Variants in ZNF385C observed in about 807,000 individuals in gnomAD.
The protein encoded by ZNF385C is CTD-2132N18.2.
A neutral mutation model predicts 35.4 loss-of-function variants in ZNF385C; 28 were observed. That is an observed-to-expected ratio of 0.79 (90% CI 0.59 to 1.08). ZNF385C has a LOEUF of 1.08. Among genes scored for constraint, ZNF385C ranks in the 50% least tolerant of loss-of-function variants. The pLI, the probability that ZNF385C is intolerant of heterozygous loss-of-function variation, is 0.00. For missense variants in ZNF385C, 605 were observed against 595.6 expected, an observed-to-expected ratio of 1.02 and a Z score of -0.16; for synonymous variants, 248 against 248.2, an observed-to-expected ratio of 1.00 and a Z score of 0.01.
At chr17:42,080,053 G>T (rs2053732125) in intron 1 of ZNF385C, among the ~76,000 whole-genome samples, 2 of 152,174 alleles carry the variant, frequency 1.3e-5, no homozygotes, top group Non-Finnish European at 2.9e-5. Context: ...ATCCAGCTTG[G>T]CAGAGCTACC....
chr17:42,094,321 A>C (rs1173589777), intron 1 of ZNF385C, among the ~76,000 whole-genome samples: 1 of 152,180 alleles, frequency 6.6e-6, no homozygotes, highest in Non-Finnish European at 1.5e-5. Flanking sequence ...CCTTTTGCCG[A>C]GACTCCTCAA....
At chr17:42,037,270 C>T (rs2052876894) in intron 3 of ZNF385C, among the ~76,000 whole-genome samples, 1 of 152,078 alleles carries the variant, frequency 6.6e-6, no homozygotes, top group Non-Finnish European at 1.5e-5. Context: ...CATAAAATTA[C>T]CCATGCACAA....
In ZNF385C at chr17:42,027,679, T is replaced by C. The variant is rs1555654411; in HGVS notation, c.1214A>G (p.Lys405Arg). 3.7e-6 allele frequency: 6 copies of C among 1,611,870 alleles called. No homozygotes were observed. Among genetic ancestry groups the C allele is most frequent in the African/African-American group, 1.3e-5 (1 of 74,718 alleles). Residue 405 changes from lysine to arginine, a missense_variant, in exon 8 of 9, where the codon AAG (lysine) becomes AGG (arginine). Coordinates refer to ENST00000692273, the MANE Select transcript of ZNF385C (RefSeq NM_001392013.1). ...HKDRLAGKTP[K>R]PSSQHSKLQK... ...CAGCTTGCTGTGCTGGCTGGAGGGC[T>C]TGGGGGTCTTCCCGGCCAGGCGGTC...
intron 5 of ZNF385C, 139 bp downstream of exon 5, chr17:42,031,480 G>C: frequency 9.1e-7 from 1 of 1,098,990 alleles, no homozygotes; most frequent in Non-Finnish European, 1.3e-6. Context: ...AATTCATGGC[G>C]TGGTACACTT....
chr17:42,043,368 G>T, intron 2 of ZNF385C: 1 of 1,232,214 alleles, frequency 8.1e-7, no homozygotes, highest in East Asian at 3.2e-5. Context: ...TCTTCCCTGG[G>T]GGCACCATTC....
intron 4 of ZNF385C, among the ~76,000 whole-genome samples, chr17:42,032,469 A>G (rs1182099061): frequency 1.3e-5 from 2 of 152,246 alleles, no homozygotes; most frequent in Non-Finnish European, 2.9e-5. Flanking sequence ...ACATGGGAAC[A>G]TGAATTACAA....
chr17:42,051,232 G>C (rs1314064528), intron 2 of ZNF385C, among the ~76,000 whole-genome samples: 4 of 151,990 alleles, frequency 2.6e-5, no homozygotes, highest in Non-Finnish European at 4.4e-5. Flanking sequence ...CTCCTCCGGA[G>C]GAGTTGGAAC....
chr17:42,067,228 GCCCA>G (rs1555658504), intron 1 of ZNF385C, among the ~76,000 whole-genome samples: 1 of 152,142 alleles, frequency 6.6e-6, no homozygotes, highest in African/African-American at 2.4e-5. Context: ...GAGCCACTGC[GCCCA>G]GCCTTGCTGA....
intron 1 of ZNF385C, among the ~76,000 whole-genome samples, chr17:42,069,746 T>C (rs2053597499): frequency 6.6e-6 from 1 of 152,230 alleles, no homozygotes; most frequent in Admixed American, 6.5e-5. Flanking sequence ...TGGTTTCCTG[T>C]CTTTAAAGAG....
intron 1 of ZNF385C, among the ~76,000 whole-genome samples, chr17:42,064,752 A>G (rs1277967839): frequency 6.6e-6 from 1 of 152,004 alleles, no homozygotes; most frequent in Non-Finnish European, 1.5e-5. Flanking sequence ...TTTAGTAGAG[A>G]CAGTGTTTTG....
At chr17:42,086,500 G>A (rs985524346) in intron 1 of ZNF385C, among the ~76,000 whole-genome samples, 2 of 152,126 alleles carry the variant, frequency 1.3e-5, no homozygotes, top group African/African-American at 2.4e-5. Context: ...TCAGGAGTTC[G>A]AGACCAGCCT....
At chr17:42,034,876 C>T (rs1240554399) in intron 3 of ZNF385C, among the ~76,000 whole-genome samples, 7 of 151,330 alleles carry the variant, frequency 4.6e-5, no homozygotes, top group Non-Finnish European at 2.9e-5. Context: ...CCTGTAATCC[C>T]ATCACTTTGG....
intron 2 of ZNF385C, 69 bp downstream of exon 2, chr17:42,062,738 C>A: frequency 2.1e-6 from 1 of 480,054 alleles, no homozygotes; most frequent in South Asian, 3.6e-5. Context: ...CCCAGAGCCC[C>A]TCAGAGGGGC....
rs372140859 is a variant in ZNF385C at position 42,030,111 on chromosome 17, A to G, written c.677-1038T>C. On this transcript the variant is annotated intron_variant, in intron 5 of 8. Transcript: ENST00000692273. ...GTGGAGTACTACACAGCAATGAAAG[A>G]GAACAAACTACAGCTACACGCAAAA... Among the ~76,000 whole-genome samples, 126 of 152,334 alleles carry G rather than the reference A, an allele frequency of 8.3e-4. 1 individual carries two copies. Among genetic ancestry groups the G allele is most frequent in the African/African-American group, 2.9e-3 (120 of 41,562 alleles).
intron 8 of ZNF385C, among the ~76,000 whole-genome samples, 174 bp from the exon 9 acceptor site, chr17:42,027,307 ACCTGTCTT>A (rs1230362311): frequency 6.7e-6 from 1 of 150,132 alleles, no homozygotes; most frequent in East Asian, 2.0e-4. Flanking sequence ...TTTCTCCACC[ACCTGTCTT>A]CCTGTCCAGA....
chr17:42,086,701 C>CAAAAAA (rs1184011274), intron 1 of ZNF385C, among the ~76,000 whole-genome samples: 1 of 66,844 alleles, frequency 1.5e-5, no homozygotes, highest in African/African-American at 5.1e-5. Flanking sequence ...GATTCCATCT[C>CAAAAAA]AAAAAAAAAA....
intron 1 of ZNF385C, among the ~76,000 whole-genome samples, chr17:42,092,072 C>T (rs782369286): frequency 6.6e-6 from 1 of 152,302 alleles, no homozygotes; most frequent in South Asian, 2.1e-4. Context: ...GCGAAAGTTC[C>T]TTTGCTCTCT....
chr17:42,070,895 C>T (rs1390991213), intron 1 of ZNF385C, among the ~76,000 whole-genome samples: 3 of 152,202 alleles, frequency 2.0e-5, no homozygotes, highest in Non-Finnish European at 2.9e-5. Flanking sequence ...TTGGCTTCTC[C>T]ACCCTGCCAC....
At chr17:42,052,627 C>G (rs2053304649) in intron 2 of ZNF385C, among the ~76,000 whole-genome samples, 1 of 152,030 alleles carries the variant, frequency 6.6e-6, no homozygotes, top group African/African-American at 2.4e-5. Flanking sequence ...ATACATATAC[C>G]CAGAGAGACA....
Sources: gnomAD v4.1 joint callset for allele counts (sites outside exome capture counted in the v4.1 genomes callset) on GRCh38, gnomAD v4.1.1 for gene constraint, MANE v1.5 for transcripts, NCBI Gene and HGNC (gene_info 2026-07-23, HGNC 2026-07-21) for gene names.